LRRC4C: variants seen among roughly 807,000 people sequenced by gnomAD.
LRRC4C encodes leucine-rich repeat-containing protein 4C.
LRRC4C carries 5 observed loss-of-function variants against 33.6 expected under a neutral mutation model. That is an observed-to-expected ratio of 0.15 (90% CI 0.08 to 0.31). The LOEUF is 0.31. Among genes scored for constraint, LRRC4C ranks in the 10% least tolerant of loss-of-function variants. The pLI is 1.00. For missense variants in LRRC4C, 560 were observed against 796.7 expected (o/e 0.70, Z 3.58); for synonymous variants, 329 against 302.0 (o/e 1.09, Z -0.93).
intron 4 of LRRC4C, among the ~76,000 whole-genome samples, chr11:40,304,852 T>C (rs1372028157): frequency 1.3e-5 from 2 of 151,908 alleles, no homozygotes; most frequent in East Asian, 3.9e-4. Context: ...CTGCTTTCAC[T>C]CCAGTTCAGA....
At chr11:40,924,342 C>T (rs916838691) in intron 2 of LRRC4C, among the ~76,000 whole-genome samples, 2 of 151,856 alleles carry the variant, frequency 1.3e-5, no homozygotes, top group African/African-American at 4.8e-5. Context: ...CCTGATAGGC[C>T]TTACATGCTC....
intron 1 of LRRC4C, among the ~76,000 whole-genome samples, chr11:41,086,888 CT>C (rs113404348): frequency 0.027 from 3,859 of 141,400 alleles, 148 homozygotes; most frequent in African/African-American, 0.09. Flanking sequence ...AGATATGAGT[CT>C]TTTTTTTTTT....
intron 1 of LRRC4C, among the ~76,000 whole-genome samples, chr11:41,283,860 T>C (rs1236854211): frequency 6.6e-6 from 1 of 152,220 alleles, no homozygotes; most frequent in African/African-American, 2.4e-5. Flanking sequence ...AATACATTTA[T>C]CTTCTCTGTG....
At chr11:40,610,695 C>T (rs572688554) in intron 3 of LRRC4C, among the ~76,000 whole-genome samples, 34 of 151,916 alleles carry the variant, frequency 2.2e-4, no homozygotes, top group Non-Finnish European at 4.3e-4. Context: ...ACAAGCTCAA[C>T]ATATAAAAAT....
At chr11:40,143,617 T>A (rs1419556472) in intron 5 of LRRC4C, among the ~76,000 whole-genome samples, 1 of 152,144 alleles carries the variant, frequency 6.6e-6, no homozygotes, top group Non-Finnish European at 1.5e-5. Flanking sequence ...TGCAAATACC[T>A]GTATACTTTG....
chr11:41,261,020 A>T (rs1268018336), intron 1 of LRRC4C, among the ~76,000 whole-genome samples: 1 of 152,144 alleles, frequency 6.6e-6, no homozygotes, highest in Non-Finnish European at 1.5e-5. Context: ...TTATTTTGCC[A>T]GCATAAATGG....
intron 1 of LRRC4C, among the ~76,000 whole-genome samples, chr11:41,336,772 A>G (rs1389784456): frequency 6.6e-6 from 1 of 152,232 alleles, no homozygotes; most frequent in Non-Finnish European, 1.5e-5. Flanking sequence ...GACAAGCAAG[A>G]AGGTGCTGGC....
chr11:40,806,038 T>A (rs897975185), intron 2 of LRRC4C, among the ~76,000 whole-genome samples: 1 of 152,126 alleles, frequency 6.6e-6, no homozygotes. Flanking sequence ...CCAGCTTCAG[T>A]AGTATATAGT....
intron 2 of LRRC4C, among the ~76,000 whole-genome samples, chr11:40,917,252 G>T (rs1351053035): frequency 6.6e-6 from 1 of 152,080 alleles, no homozygotes; most frequent in Non-Finnish European, 1.5e-5. Context: ...CTAGGAAAAG[G>T]GTAGAAATAT....
At chr11:40,758,792 C>T (rs1186804443) in intron 2 of LRRC4C, among the ~76,000 whole-genome samples, 2 of 151,886 alleles carry the variant, frequency 1.3e-5, no homozygotes, top group African/African-American at 2.4e-5. Context: ...TTTTCATTCT[C>T]CCAGTTCAAC....
chr11:41,158,245 C>T (rs150158372), intron 1 of LRRC4C, among the ~76,000 whole-genome samples: 1 of 152,050 alleles, frequency 6.6e-6, no homozygotes, highest in African/African-American at 2.4e-5. Context: ...TGAATTATAT[C>T]CCTGTCAGCA....
intron 1 of LRRC4C, among the ~76,000 whole-genome samples, chr11:40,958,771 A>G (rs2136833635): frequency 1.3e-5 from 2 of 151,910 alleles, no homozygotes; most frequent in Admixed American, 1.3e-4. Flanking sequence ...CTTGCTTTAT[A>G]GAATAGTTTG....
chr11:40,899,682 A>C (rs1956124957), intron 2 of LRRC4C, among the ~76,000 whole-genome samples: 1 of 152,184 alleles, frequency 6.6e-6, no homozygotes, highest in Non-Finnish European at 1.5e-5. Context: ...GTGATTGCAC[A>C]CATAGCAGTT....
intron 4 of LRRC4C, among the ~76,000 whole-genome samples, chr11:40,277,260 T>C (rs1353777155): frequency 6.6e-6 from 1 of 152,126 alleles, no homozygotes; most frequent in Non-Finnish European, 1.5e-5. Context: ...CTCCCCAACA[T>C]AAGAAAACAG....
chr11:41,378,484 G>A (rs560927321), intron 1 of LRRC4C, among the ~76,000 whole-genome samples: 132 of 152,146 alleles, frequency 8.7e-4, no homozygotes, highest in African/African-American at 2.9e-3. Flanking sequence ...TTTTTACAGC[G>A]GAGAGCAGAC....
chr11:40,983,580 T>G (rs116576271), intron 1 of LRRC4C, among the ~76,000 whole-genome samples: 1 of 151,740 alleles, frequency 6.6e-6, no homozygotes. Flanking sequence ...CGGGAGAAAA[T>G]TTTTTGCAAA....
At chr11:40,697,279 G>A (rs558016486) in intron 2 of LRRC4C, among the ~76,000 whole-genome samples, 5 of 152,190 alleles carry the variant, frequency 3.3e-5, no homozygotes, top group South Asian at 4.1e-4. Flanking sequence ...CAGGTTCACC[G>A]AAAGCCTCAT....
chr11:41,390,099 A>G (rs1352734438), intron 1 of LRRC4C, among the ~76,000 whole-genome samples: 1 of 151,944 alleles, frequency 6.6e-6, no homozygotes, highest in Non-Finnish European at 1.5e-5. Flanking sequence ...ATAAAACTGC[A>G]TAAAACATTG....
At chr11:40,255,287 T>C (rs1275823282) in intron 4 of LRRC4C, among the ~76,000 whole-genome samples, 1 of 152,068 alleles carries the variant, frequency 6.6e-6, no homozygotes, top group Non-Finnish European at 1.5e-5. Flanking sequence ...CCACCTGCTC[T>C]AGAGCATTTC....
Sources: allele counts gnomAD v4.1 joint callset (sites outside exome capture counted in the v4.1 genomes callset), GRCh38; gene constraint gnomAD v4.1.1; transcripts MANE v1.5; gene names NCBI Gene and HGNC (gene_info 2026-07-23, HGNC 2026-07-21).